Variants in ZNF536 observed in about 807,000 individuals in gnomAD.
The protein encoded by ZNF536 is zinc finger protein 536.
In ZNF536, 13 loss-of-function variants were observed where a neutral mutation model predicts 84.5. That is an observed-to-expected ratio of 0.15 (90% CI 0.10 to 0.24). ZNF536 has a LOEUF of 0.24. ZNF536 is among the 10% of genes least tolerant of loss of function. The pLI, the probability that ZNF536 is intolerant of heterozygous loss-of-function variation, is 1.00. For missense variants in ZNF536, 1,536 were observed against 1,747.5 expected, an observed-to-expected ratio of 0.88 and a Z score of 2.16; for synonymous variants, 811 against 742.5, an observed-to-expected ratio of 1.09 and a Z score of -1.50.
chr19:30,548,999 C>A lies in ZNF536; in HGVS notation c.3380C>A (p.Ser1127Tyr), dbSNP rs768944693. ...VYPGMVGSGASSSCPNKEPDG... is the reference protein window; with the variant it reads ...VYPGMVGSGAYSSCPNKEPDG... The stretch of plus-strand genomic sequence containing the variant: ...CCAGGCATGGTTGGCTCAGGGGCCT[C>A]CAGTTCCTGCCCCAACAAGGAGCCT... Residue 1127 changes from serine to tyrosine, a missense_variant, in exon 4 of 5, where the codon TCC becomes TAC. Coordinates refer to ENST00000355537, the MANE Select transcript of ZNF536 (RefSeq NM_014717.3). 6.2e-7 allele frequency: 1 copy of A among 1,614,162 alleles called. No individual in the cohort carries two copies. Among genetic ancestry groups the A allele is most frequent in the Non-Finnish European group, 8.5e-7 (1 of 1,180,030 alleles).
chr19:30,503,086 G>C (rs2055015422), intron 2 of ZNF536, among the ~76,000 whole-genome samples: 1 of 151,954 alleles, frequency 6.6e-6, no homozygotes, highest in African/African-American at 2.4e-5. Flanking sequence ...GGCAAATTAT[G>C]CTACTCAATA....
chr19:30,660,341 T>G (rs944958389), intron 1 of ZNF536, among the ~76,000 whole-genome samples: 9 of 152,188 alleles, frequency 5.9e-5, no homozygotes, highest in Non-Finnish European at 2.9e-5. Context: ...ACCTAAGAGC[T>G]GTCACAAAGA....
At chr19:30,499,345 GTATC>G (rs576347612) in intron 2 of ZNF536, among the ~76,000 whole-genome samples, 102 of 152,160 alleles carry the variant, frequency 6.7e-4, no homozygotes, top group African/African-American at 2.4e-3. Flanking sequence ...ATCTATGTAT[GTATC>G]TATGTATCTG....
chr19:30,567,592 C>T (rs2046400645), intron 1 of ZNF536, among the ~76,000 whole-genome samples: 1 of 152,200 alleles, frequency 6.6e-6, no homozygotes, highest in Non-Finnish European at 1.5e-5. Flanking sequence ...TGACCCCCAC[C>T]TTGCAATTGT....
intron 2 of ZNF536, among the ~76,000 whole-genome samples, chr19:30,509,297 CAT>C (rs1048810943): frequency 2.0e-5 from 3 of 147,528 alleles, no homozygotes; most frequent in African/African-American, 4.9e-5. Flanking sequence ...CAATATGTAA[CAT>C]ATATTATACA....
intron 2 of ZNF536, among the ~76,000 whole-genome samples, chr19:30,468,939 C>A (rs1239689025): frequency 6.6e-6 from 1 of 152,054 alleles, no homozygotes. Context: ...GATTGTCACA[C>A]CCACCCCATA....
chr19:30,395,858 A>T (rs2049794581), intron 1 of ZNF536, among the ~76,000 whole-genome samples: 1 of 152,116 alleles, frequency 6.6e-6, no homozygotes, highest in African/African-American at 2.4e-5. Flanking sequence ...TTTTAAGAGC[A>T]GTTTTAGGTT....
intron 1 of ZNF536, among the ~76,000 whole-genome samples, chr19:30,689,329 A>G (rs746600490): frequency 1.3e-5 from 2 of 152,256 alleles, no homozygotes; most frequent in Non-Finnish European, 2.9e-5. Flanking sequence ...TGATTTGTGT[A>G]CAATACCTGA....
Position 30,443,772 on chromosome 19 carries a change from G to A in ZNF536, c.210G>A (p.Val70=). The change falls in exon 2 of 5, where the codon GTG becomes GTA. Residue 70 remains valine (V), a synonymous_variant. Coordinates refer to ENST00000355537, the MANE Select transcript of ZNF536 (RefSeq NM_014717.3). Reference sequence around the variant, plus strand: ...CATCCCTGGAGGAGAAGGCCCACGTGCCCATGAGCGGCCAGCCCATGGGCA... The same window carrying A: ...CATCCCTGGAGGAGAAGGCCCACGTACCCATGAGCGGCCAGCCCATGGGCA... ...PPASLEEKAH[V]PMSGQPMGSQ... is the part of the protein sequence containing the mutation. The A allele has an allele frequency of 6.2e-7, 1 of 1,612,810 alleles. No homozygotes were observed.
intron 1 of ZNF536, among the ~76,000 whole-genome samples, chr19:30,597,925 GTTA>G (rs2047525232): frequency 6.6e-6 from 1 of 152,072 alleles, no homozygotes; most frequent in Non-Finnish European, 1.5e-5. Flanking sequence ...TATGCATATA[GTTA>G]TTGTTGTATG....
chr19:30,337,957 C>T (rs775573555), intron 2 of ZNF536, among the ~76,000 whole-genome samples: 2 of 150,404 alleles, frequency 1.3e-5, no homozygotes, highest in East Asian at 2.0e-4. Context: ...TAATGGTGAT[C>T]GTGATGGTGA....
At chr19:30,659,219 G>A (rs751904804) in intron 1 of ZNF536, among the ~76,000 whole-genome samples, 17 of 152,272 alleles carry the variant, frequency 1.1e-4, no homozygotes, top group Non-Finnish European at 2.2e-4. Flanking sequence ...AAGCATGGCT[G>A]GGGAGGCCTC....
intron 1 of ZNF536, among the ~76,000 whole-genome samples, chr19:30,385,439 G>A (rs1006816715): frequency 6.6e-5 from 10 of 152,208 alleles, no homozygotes; most frequent in African/African-American, 1.9e-4. Flanking sequence ...GGTAACGACC[G>A]TTACCCTGGT....
chr19:30,247,308 C>G lies in ZNF536; in HGVS notation c.-190+18635C>G, dbSNP rs1477959830. Among the ~76,000 whole-genome samples the G allele has an allele frequency of 3.3e-5, 5 of 152,226 alleles. No individual in the cohort carries two copies. The East Asian group carries it at 9.6e-4, about 29-fold the overall frequency. ...ATTCACTTGGGTACTTTATTACCTA[C>G]ATGGGATCTGTTTCCCCGTCTGTAA... On this transcript the variant is annotated intron_variant, in intron 1 of 5. Coordinates refer to the ZNF536 transcript ENST00000585628.
Position 30,263,915 on chromosome 19 carries a change from G to A in ZNF536, c.-189-20157G>A, listed in dbSNP as rs578131261. On this transcript the variant is annotated intron_variant, in intron 1 of 5. Coordinates refer to the ZNF536 transcript ENST00000585628. The stretch of plus-strand genomic sequence containing the variant: ...ACACACACACACACCCTACACACAC[G>A]CATTTCAGACTACACTGAAAAACTG... Among the ~76,000 whole-genome samples the A allele has an allele frequency of 2.9e-4, 44 of 151,586 alleles. 2 individuals carry two copies. The South Asian group carries it at 8.3e-3, about 29-fold the overall frequency.
chr19:30,571,586 C>A (rs986475377), intron 1 of ZNF536, among the ~76,000 whole-genome samples: 1 of 152,212 alleles, frequency 6.6e-6, no homozygotes, highest in African/African-American at 2.4e-5. Context: ...CGACTCTTTG[C>A]AGTCCATGCC....
rs2148149111 is a variant in ZNF536, at chr19:30,443,696, A to C, written c.134A>C (p.His45Pro). ...CACCAGATCACCTCCCAGCTCAGCC[A>C]TGCCTTCCCCGAGCTCCATCCCCGG... Reference protein sequence around the residue: ...KLHQITSQLSHAFPELHPRPN... With the variant: ...KLHQITSQLSPAFPELHPRPN... Residue 45 changes from histidine (H) to proline (P), a missense_variant, in exon 2 of 5, where the codon CAT becomes CCT. Coordinates refer to ENST00000355537, the MANE Select transcript of ZNF536 (RefSeq NM_014717.3). The C allele has an allele frequency of 1.2e-6, 2 of 1,613,852 alleles. No homozygotes were observed. Among genetic ancestry groups the C allele is most frequent in the Non-Finnish European group, 1.7e-6 (2 of 1,179,972 alleles).
chr19:30,497,099 C>G (rs565428458), intron 2 of ZNF536, among the ~76,000 whole-genome samples: 101 of 152,330 alleles, frequency 6.6e-4, no homozygotes, highest in Non-Finnish European at 1.3e-3. Context: ...AGAGGAGCGT[C>G]TGCAGGTGCT....
chr19:30,656,051 A>C (rs75103060), intron 1 of ZNF536, among the ~76,000 whole-genome samples: 3,092 of 151,904 alleles, frequency 0.02, 105 homozygotes, highest in African/African-American at 0.071. Flanking sequence ...AAAAAAAAAA[A>C]CCAACAAACC....
Sources: allele counts gnomAD v4.1 joint callset (sites outside exome capture counted in the v4.1 genomes callset), GRCh38; gene constraint gnomAD v4.1.1; transcripts MANE v1.5; gene names NCBI Gene and HGNC (gene_info 2026-07-23, HGNC 2026-07-21).